The following ABI3BP variants were observed in gnomAD, a reference collection of about 807,000 sequenced individuals.
The protein encoded by ABI3BP is ABI family member 3 binding protein.
A neutral mutation model predicts 268.6 loss-of-function variants in ABI3BP; 216 were observed. The ratio of observed to expected loss-of-function variants is 0.80; its 90% CI spans 0.72 to 0.90. The LOEUF (loss-of-function observed/expected upper bound fraction) is 0.90, where lower values mean the gene tolerates loss of function less well. Among genes scored for constraint, ABI3BP ranks in the 40% least tolerant of loss-of-function variants. ABI3BP has a pLI of 0.00. For synonymous variants in ABI3BP, 730 were observed against 730.0 expected, an observed-to-expected ratio of 1.00 and a Z score of 0.00; for missense variants, 2,090 against 2,182.4, an observed-to-expected ratio of 0.96 and a Z score of 0.84.
At chr3:100,827,004 T>A (rs959766575) in intron 34 of ABI3BP, among the ~76,000 whole-genome samples, 22 of 152,152 alleles carry the variant, frequency 1.4e-4, no homozygotes, top group African/African-American at 5.3e-4. Context: ...ATATCCAATT[T>A]TTTTATCTTT....
intron 14 of ABI3BP, among the ~76,000 whole-genome samples, chr3:100,859,881 G>A (rs1054846411): frequency 1.3e-5 from 2 of 152,076 alleles, no homozygotes; most frequent in South Asian, 2.1e-4. Flanking sequence ...AAACTACATC[G>A]ATAAGGTAGC....
chr3:100,826,800 T>G (rs2098394562), intron 34 of ABI3BP, among the ~76,000 whole-genome samples: 1 of 152,082 alleles, frequency 6.6e-6, no homozygotes. Context: ...TGTCTACACT[T>G]AGCAGAGGGA....
At chr3:100,790,401 C>G (rs1295928751) in intron 55 of ABI3BP, among the ~76,000 whole-genome samples, 1 of 151,954 alleles carries the variant, frequency 6.6e-6, no homozygotes, top group Non-Finnish European at 1.5e-5. Context: ...TTTTTTCTTG[C>G]AAACTTTGTA....
chr3:100,793,336 A>T (rs2097253906), intron 54 of ABI3BP, among the ~76,000 whole-genome samples: 1 of 152,006 alleles, frequency 6.6e-6, no homozygotes, highest in South Asian at 2.1e-4. Flanking sequence ...TTATATAGAC[A>T]CAGCAAATTA....
intron 1 of ABI3BP, among the ~76,000 whole-genome samples, chr3:100,938,235 C>T (rs1418643578): frequency 2.0e-5 from 3 of 150,946 alleles, no homozygotes; most frequent in Admixed American, 6.6e-5. Context: ...ATCTGTACAA[C>T]AAACTCCTGT....
intron 10 of ABI3BP, 140 bp downstream of exon 10, chr3:100,866,739 C>A: frequency 1.5e-6 from 1 of 664,846 alleles, no homozygotes; most frequent in Non-Finnish European, 2.5e-6. Context: ...ACGTTAGAGA[C>A]CTAGAATCTC....
chr3:100,769,300 A>G (rs1194784405), intron 62 of ABI3BP, among the ~76,000 whole-genome samples: 3 of 152,346 alleles, frequency 2.0e-5, no homozygotes, highest in East Asian at 3.9e-4. Context: ...AAAAATTGTT[A>G]TAAGTCCTCT....
chr3:100,752,715 G>A (rs1268704304), intron 66 of ABI3BP, 72 bp downstream of exon 66: 6 of 1,519,646 alleles, frequency 3.9e-6, no homozygotes, highest in Admixed American at 3.8e-5. Context: ...TTAAGAAAAG[G>A]CCAAGTTGTA....
chr3:100,778,428 C>A lies in ABI3BP; in HGVS notation c.4241-52G>T, dbSNP rs2096771665. 7 of 1,492,088 alleles carry A rather than the reference C, an allele frequency of 4.7e-6. No individual in the cohort carries two copies. The African/African-American group carries it at 5.7e-5, about 12-fold the overall frequency. 92.4% of individuals were successfully genotyped at this position (1,492,088 alleles called of 1,614,324 possible). On this transcript the variant is annotated intron_variant, in intron 58 of 67. Coordinates refer to ENST00000471714, the MANE Select transcript of ABI3BP (RefSeq NM_001375547.2). ...TTTAGATAAAGCCATCATAAAGATT[C>A]ATTATCGAAAAAAACAGGGTTTTTA...
At chr3:100,805,177 C>G (rs559545672) in intron 50 of ABI3BP, among the ~76,000 whole-genome samples, 1 of 152,156 alleles carries the variant, frequency 6.6e-6, no homozygotes, top group South Asian at 2.1e-4. Context: ...TGTAAGAGAG[C>G]TTTTCTTTAC....
At chr3:100,910,016 A>T (rs1583025142) in intron 2 of ABI3BP, among the ~76,000 whole-genome samples, 1 of 152,208 alleles carries the variant, frequency 6.6e-6, no homozygotes, top group East Asian at 1.9e-4. Context: ...CTTGGAAGCA[A>T]CCCAAATGCC....
chr3:100,980,159 C>G (rs2088575869), intron 1 of ABI3BP, among the ~76,000 whole-genome samples: 1 of 152,180 alleles, frequency 6.6e-6, no homozygotes, highest in African/African-American at 2.4e-5. Context: ...CATACTACTG[C>G]CAATATGTTG....
intron 62 of ABI3BP, among the ~76,000 whole-genome samples, chr3:100,768,820 A>G (rs942369029): frequency 3.9e-5 from 6 of 152,256 alleles, no homozygotes; most frequent in African/African-American, 1.4e-4. Context: ...CTCTTGGACT[A>G]TCAGATTATG....
chr3:100,767,049 G>C (rs111776592), intron 62 of ABI3BP, among the ~76,000 whole-genome samples: 1 of 151,992 alleles, frequency 6.6e-6, no homozygotes, highest in African/African-American at 2.4e-5. Context: ...TGCAACCTCC[G>C]CCTCCCGGGG....
chr3:100,774,569 T>A (rs746773188), intron 61 of ABI3BP, 36 bp downstream of exon 61: 1 of 1,513,070 alleles, frequency 6.6e-7, no homozygotes, highest in Non-Finnish European at 8.9e-7. Context: ...AAAAATGGCC[T>A]TTTCAAATGT....
At chr3:100,944,813 A>G (rs1269112287) in intron 1 of ABI3BP, among the ~76,000 whole-genome samples, 1 of 152,172 alleles carries the variant, frequency 6.6e-6, no homozygotes, top group Non-Finnish European at 1.5e-5. Flanking sequence ...CTGCAGGGAA[A>G]TGGCTAAACT....
intron 63 of ABI3BP, 131 bp from the exon 64 acceptor site, chr3:100,754,822 T>A (rs1470991150): frequency 9.3e-6 from 7 of 751,008 alleles, no homozygotes; most frequent in Non-Finnish European, 1.6e-5. Flanking sequence ...TAACATATGT[T>A]CCAGAAGCAG....
Position 100,778,810 on chromosome 3 carries a change from G to T in ABI3BP, c.4241-434C>A, listed in dbSNP as rs969531320. Reference sequence around the variant, plus strand: ...TTAAGTATATGGGAAGATGTGCATGGGTTATATGCAAACACTATATGATTT... The same window carrying T: ...TTAAGTATATGGGAAGATGTGCATGTGTTATATGCAAACACTATATGATTT... On this transcript the variant is annotated intron_variant, in intron 58 of 67. Transcript: ENST00000471714. Among the ~76,000 whole-genome samples the T allele has an allele frequency of 4.6e-5, 7 of 152,202 alleles. No individual in the cohort carries two copies. In the East Asian group the frequency reaches 1.4e-3, roughly 29 times the overall value.
At chr3:100,857,406 C>A (rs774716177) in intron 14 of ABI3BP, among the ~76,000 whole-genome samples, 2 of 152,104 alleles carry the variant, frequency 1.3e-5, no homozygotes, top group Non-Finnish European at 2.9e-5. Context: ...AAAATTTATA[C>A]CTTATTTCCA....
Sources: allele counts gnomAD v4.1 joint callset (sites outside exome capture counted in the v4.1 genomes callset), GRCh38; gene constraint gnomAD v4.1.1; transcripts MANE v1.5; gene names NCBI Gene and HGNC (gene_info 2026-07-23, HGNC 2026-07-21).